RANBP17: variants seen among roughly 807,000 people sequenced by gnomAD.
RANBP17 encodes the protein ran-binding protein 17.
RANBP17 carries 158 observed loss-of-function variants against 141.2 expected under a neutral mutation model. The ratio of observed to expected loss-of-function variants is 1.12; its 90% CI spans 0.98 to 1.28. The LOEUF is 1.28. Among genes scored for constraint, RANBP17 ranks in the 50% most tolerant of loss-of-function variants. RANBP17 has a pLI of 0.00. For synonymous variants in RANBP17, 430 were observed against 450.0 expected (o/e 0.96, Z 0.56); for missense variants, 1,438 against 1,290.7 (o/e 1.11, Z -1.75).
intron 14 of RANBP17, among the ~76,000 whole-genome samples, chr5:171,049,103 T>G (rs918212290): frequency 1.3e-5 from 2 of 152,248 alleles, no homozygotes; most frequent in Non-Finnish European, 2.9e-5. Flanking sequence ...AAGAGCAGTT[T>G]ATAAGCATTC....
intron 14 of RANBP17, among the ~76,000 whole-genome samples, chr5:170,971,515 A>G (rs1419253052): frequency 6.6e-6 from 1 of 152,192 alleles, no homozygotes; most frequent in East Asian, 1.9e-4. Context: ...GCTGCTGACC[A>G]CTTTGGTATA....
intron 2 of RANBP17, among the ~76,000 whole-genome samples, chr5:170,881,310 A>G (rs757632541): frequency 2.6e-5 from 4 of 152,182 alleles, no homozygotes; most frequent in Non-Finnish European, 5.9e-5. Context: ...GCATGCGTTT[A>G]GACAGTTTGA....
intron 14 of RANBP17, among the ~76,000 whole-genome samples, chr5:171,032,479 T>C (rs1038809795): frequency 2.0e-5 from 3 of 152,162 alleles, no homozygotes; most frequent in Non-Finnish European, 2.9e-5. Flanking sequence ...ATTCCAACTT[T>C]AAACATTGAT....
chr5:171,063,873 C>T (rs1007003837), intron 14 of RANBP17, among the ~76,000 whole-genome samples: 3 of 152,204 alleles, frequency 2.0e-5, no homozygotes, highest in Non-Finnish European at 2.9e-5. Flanking sequence ...ATGGCGGGCG[C>T]CCCTCCCCCA....
chr5:171,168,972 A>C (rs1055449848), intron 14 of RANBP17, among the ~76,000 whole-genome samples: 1 of 151,824 alleles, frequency 6.6e-6, no homozygotes, highest in African/African-American at 2.4e-5. Context: ...GATTCACTCC[A>C]TCAGCCTGAG....
At position 170,953,645 on chromosome 5, in the gene RANBP17, G is replaced by T. The variant is rs561203896; in HGVS notation, c.1517G>T (p.Arg506Ile). The T allele has an allele frequency of 6.2e-7, 1 of 1,612,332 alleles. No individual in the cohort carries two copies. The highest frequency in any genetic ancestry group is 1.3e-5 in the African/African-American group (1 of 74,984). ...VYLVGTVVGGRLTYTSTDEHD... is the reference protein window; with the variant it reads ...VYLVGTVVGGILTYTSTDEHD... ...TTAGTTGGGACAGTTGTAGGAGGAA[G>T]ATTAACATATACCAGTACAGATGAG... is the stretch of plus-strand genomic sequence containing the variant. Residue 506 changes from arginine to isoleucine, a missense_variant, in exon 13 of 28, where the codon AGA becomes ATA. Coordinates refer to ENST00000523189, the MANE Select transcript of RANBP17 (RefSeq NM_022897.5).
intron 14 of RANBP17, among the ~76,000 whole-genome samples, chr5:171,156,834 A>G (rs894276949): frequency 6.6e-6 from 1 of 152,158 alleles, no homozygotes; most frequent in African/African-American, 2.4e-5. Flanking sequence ...TGTGATGACA[A>G]AGAGGCTAAG....
intron 14 of RANBP17, among the ~76,000 whole-genome samples, chr5:171,156,783 A>G (rs1758934257): frequency 6.6e-6 from 1 of 152,194 alleles, no homozygotes; most frequent in African/African-American, 2.4e-5. Flanking sequence ...TTTGTGGGAA[A>G]AAAAGTCTTT....
At chr5:171,068,608 A>G (rs1168563786) in intron 14 of RANBP17, among the ~76,000 whole-genome samples, 1 of 133,310 alleles carries the variant, frequency 7.5e-6, no homozygotes, top group African/African-American at 2.8e-5. Context: ...TGTTGTTGAG[A>G]CAGAGTCTCA....
intron 14 of RANBP17, among the ~76,000 whole-genome samples, chr5:171,111,968 G>C (rs1170887201): frequency 6.6e-6 from 1 of 152,108 alleles, no homozygotes; most frequent in Non-Finnish European, 1.5e-5. Context: ...AAGTAAACTT[G>C]ATGGAAAAAT....
intron 24 of RANBP17, among the ~76,000 whole-genome samples, chr5:171,257,968 G>C (rs562334819): frequency 6.6e-6 from 1 of 151,928 alleles, no homozygotes; most frequent in South Asian, 2.1e-4. Flanking sequence ...AGCCGGAGAT[G>C]GTGGCACATG....
intron 1 of RANBP17, among the ~76,000 whole-genome samples, chr5:170,866,607 G>A (rs1057452192): frequency 9.2e-5 from 14 of 151,854 alleles, no homozygotes; most frequent in Non-Finnish European, 8.8e-5. Flanking sequence ...CCCGGGAGGC[G>A]GAGCTTGCAG....
intron 14 of RANBP17, among the ~76,000 whole-genome samples, chr5:171,040,419 GGTT>G (rs1782181603): frequency 6.6e-6 from 1 of 152,058 alleles, no homozygotes; most frequent in Non-Finnish European, 1.5e-5. Context: ...GGCATAAATA[GGTT>G]TTCCATTTAT....
chr5:171,026,388 C>T (rs1209153513), intron 14 of RANBP17, among the ~76,000 whole-genome samples: 4 of 152,126 alleles, frequency 2.6e-5, no homozygotes, highest in Non-Finnish European at 5.9e-5. Context: ...TGATCTTTCT[C>T]TATATGCTCT....
chr5:171,146,972 G>A (rs1758063916), intron 14 of RANBP17, among the ~76,000 whole-genome samples: 1 of 152,178 alleles, frequency 6.6e-6, no homozygotes, highest in Non-Finnish European at 1.5e-5. Flanking sequence ...AATAGTAATA[G>A]TACTATCTTA....
At chr5:171,204,603 G>C (rs1762468876) in intron 19 of RANBP17, among the ~76,000 whole-genome samples, 1 of 152,082 alleles carries the variant, frequency 6.6e-6, no homozygotes, top group African/African-American at 2.4e-5. Context: ...TTGTAATTAT[G>C]TTTATTTGTG....
chr5:170,966,309 A>G (rs1163324449), intron 13 of RANBP17, among the ~76,000 whole-genome samples: 2 of 152,200 alleles, frequency 1.3e-5, no homozygotes, highest in African/African-American at 4.8e-5. Context: ...ATACTGGCAA[A>G]CGAAATCCAG....
chr5:170,899,548 A>G (rs1314505388), intron 5 of RANBP17, among the ~76,000 whole-genome samples: 2 of 152,194 alleles, frequency 1.3e-5, no homozygotes, highest in Non-Finnish European at 2.9e-5. Flanking sequence ...AGAACTTCCA[A>G]TACTACATTG....
chr5:170,896,026 T>G, intron 4 of RANBP17, 24 bp from the exon 5 acceptor site: 2 of 1,527,112 alleles, frequency 1.3e-6, no homozygotes, highest in Non-Finnish European at 1.8e-6. Flanking sequence ...CCACTTAGGC[T>G]AAACTTTGTT....
Sources: allele counts gnomAD v4.1 joint callset (sites outside exome capture counted in the v4.1 genomes callset), GRCh38; gene constraint gnomAD v4.1.1; transcripts MANE v1.5; gene names NCBI Gene and HGNC (gene_info 2026-07-23, HGNC 2026-07-21).